The following RABGAP1L variants were observed in gnomAD, a reference collection of about 807,000 sequenced individuals.
RABGAP1L encodes RAB GTPase activating protein 1 like, also known as rab GTPase-activating protein 1-like.
A neutral mutation model predicts 137.7 loss-of-function variants in RABGAP1L; 63 were observed. That is an observed-to-expected ratio of 0.46 (90% CI 0.37 to 0.56). RABGAP1L has a LOEUF of 0.56. Ranked by LOEUF, RABGAP1L falls within the 20% of genes least tolerant of loss-of-function variation. The pLI is 0.00. For missense variants in RABGAP1L, 1,095 were observed against 1,244.0 expected, an observed-to-expected ratio of 0.88 and a Z score of 1.80; for synonymous variants, 431 against 433.7, an observed-to-expected ratio of 0.99 and a Z score of 0.08.
At chr1:174,904,057 AC>A (rs1378747364) in intron 19 of RABGAP1L, among the ~76,000 whole-genome samples, 2 of 152,060 alleles carry the variant, frequency 1.3e-5, no homozygotes, top group Non-Finnish European at 1.5e-5. Flanking sequence ...AAAACCAAAA[AC>A]AAATATATAG....
chr1:174,326,473 C>T (rs1217776517), intron 11 of RABGAP1L, among the ~76,000 whole-genome samples: 5 of 151,964 alleles, frequency 3.3e-5, no homozygotes, highest in Non-Finnish European at 5.9e-5. Context: ...AAAATCAGCT[C>T]GAAGACAGGC....
chr1:174,374,265 C>T (rs964879054), intron 12 of RABGAP1L, among the ~76,000 whole-genome samples: 3 of 152,128 alleles, frequency 2.0e-5, no homozygotes, highest in Non-Finnish European at 4.4e-5. Context: ...AAATAAGCAA[C>T]GTGTCTCCTG....
At chr1:174,550,706 A>C (rs1422296513) in intron 13 of RABGAP1L, among the ~76,000 whole-genome samples, 1 of 150,892 alleles carries the variant, frequency 6.6e-6, no homozygotes, top group Non-Finnish European at 1.5e-5. Context: ...CAACCTACAG[A>C]ATCTAACTGG....
chr1:174,971,665 G>A (rs145792573), intron 21 of RABGAP1L, among the ~76,000 whole-genome samples: 1 of 152,250 alleles, frequency 6.6e-6, no homozygotes, highest in East Asian at 1.9e-4. Context: ...CCTCATTGGG[G>A]TTTATTTGCT....
chr1:174,380,535 G>A (rs1034517578), intron 12 of RABGAP1L, among the ~76,000 whole-genome samples: 13 of 152,062 alleles, frequency 8.5e-5, no homozygotes, highest in Non-Finnish European at 1.8e-4. Flanking sequence ...ATGTGTCAAG[G>A]AATATATCCA....
intron 11 of RABGAP1L, among the ~76,000 whole-genome samples, chr1:174,366,470 G>A (rs1204720192): frequency 6.6e-6 from 1 of 152,050 alleles, no homozygotes; most frequent in Non-Finnish European, 1.5e-5. Context: ...CACATTTCTT[G>A]TTAAAAGTTC....
At chr1:174,658,275 G>C (rs1304103986) in intron 14 of RABGAP1L, among the ~76,000 whole-genome samples, 1 of 152,134 alleles carries the variant, frequency 6.6e-6, no homozygotes, top group East Asian at 1.9e-4. Flanking sequence ...TTGTGGAGGA[G>C]CTAATTTTTG....
At chr1:174,787,402 CA>C (rs35930436) in intron 18 of RABGAP1L, among the ~76,000 whole-genome samples, 17,954 of 119,762 alleles carry the variant, frequency 0.15, 1,039 homozygotes, top group Middle Eastern at 0.23. Flanking sequence ...GACTCTGTGT[CA>C]AAAAAAAAAA....
At chr1:174,314,769 TTG>T (rs1203006825) in intron 11 of RABGAP1L, among the ~76,000 whole-genome samples, 1 of 152,236 alleles carries the variant, frequency 6.6e-6, no homozygotes, top group African/African-American at 2.4e-5. Context: ...CAGGAGCGTA[TTG>T]TTTAATTTCT....
intron 12 of RABGAP1L, among the ~76,000 whole-genome samples, chr1:174,386,519 T>A (rs1686794118): frequency 6.6e-6 from 1 of 151,884 alleles, no homozygotes. Context: ...TTTCTTTTTT[T>A]TTTTTGAGAT....
intron 14 of RABGAP1L, among the ~76,000 whole-genome samples, chr1:174,653,938 C>T (rs941003185): frequency 2.0e-5 from 3 of 151,902 alleles, no homozygotes; most frequent in African/African-American, 7.3e-5. Context: ...AGCCTGTCAC[C>T]AAGACAGGAT....
At chr1:174,360,596 G>A (rs1471140897) in intron 11 of RABGAP1L, among the ~76,000 whole-genome samples, 1 of 152,082 alleles carries the variant, frequency 6.6e-6, no homozygotes, top group Admixed American at 6.5e-5. Flanking sequence ...GCTTCAAAAT[G>A]ACCCAACATA....
At chr1:174,383,635 G>T (rs539720674) in intron 12 of RABGAP1L, among the ~76,000 whole-genome samples, 1 of 152,164 alleles carries the variant, frequency 6.6e-6, no homozygotes, top group Non-Finnish European at 1.5e-5. Flanking sequence ...GCAATGCCTC[G>T]CCCTGCTTCG....
At chr1:174,756,594 G>A (rs1211170413) in intron 18 of RABGAP1L, among the ~76,000 whole-genome samples, 1 of 152,058 alleles carries the variant, frequency 6.6e-6, no homozygotes, top group Non-Finnish European at 1.5e-5. Context: ...TGAGGGATGG[G>A]GCCAGGAATC....
At chr1:174,183,926 C>T (rs924217094) in intron 1 of RABGAP1L, among the ~76,000 whole-genome samples, 16 of 143,628 alleles carry the variant, frequency 1.1e-4, no homozygotes, top group Admixed American at 8.2e-4. Flanking sequence ...AGTGCAGTGG[C>T]GCGATCTCGG....
chr1:174,641,145 A>AG (rs756256356), intron 14 of RABGAP1L, among the ~76,000 whole-genome samples: 56 of 152,066 alleles, frequency 3.7e-4, no homozygotes, highest in South Asian at 1.5e-3. Context: ...AGAAATTAAG[A>AG]GAATTTCAGT....
At chr1:174,629,375 T>A (rs926510788) in intron 13 of RABGAP1L, among the ~76,000 whole-genome samples, 1 of 152,208 alleles carries the variant, frequency 6.6e-6, no homozygotes, top group African/African-American at 2.4e-5. Flanking sequence ...TTATATGAGA[T>A]GGATCAGTGA....
At chr1:174,387,609 G>C (rs1686903323) in intron 12 of RABGAP1L, among the ~76,000 whole-genome samples, 1 of 151,222 alleles carries the variant, frequency 6.6e-6, no homozygotes, top group African/African-American at 2.4e-5. Context: ...GAAACAAATT[G>C]GGAAGTAATT....
chr1:174,732,201 C>CCA (rs1553243467), intron 17 of RABGAP1L, among the ~76,000 whole-genome samples: 20 of 145,024 alleles, frequency 1.4e-4, no homozygotes, highest in African/African-American at 2.7e-4. Context: ...CCATCCCCCC[C>CCA]AAAAAAAAAA....
Sources: gnomAD v4.1 joint callset for allele counts (sites outside exome capture counted in the v4.1 genomes callset) on GRCh38, gnomAD v4.1.1 for gene constraint, MANE v1.5 for transcripts, NCBI Gene and HGNC (gene_info 2026-07-23, HGNC 2026-07-21) for gene names.